CSNK1G1: variants seen among roughly 807,000 people sequenced by gnomAD.
CSNK1G1 encodes casein kinase 1 gamma 1.
A neutral mutation model predicts 59.6 loss-of-function variants in CSNK1G1; 22 were observed. The ratio of observed to expected loss-of-function variants is 0.37; its 90% CI spans 0.26 to 0.53. CSNK1G1 has a LOEUF of 0.53. Ranked by LOEUF, CSNK1G1 falls within the 20% of genes least tolerant of loss-of-function variation. The pLI is 0.89. For synonymous variants in CSNK1G1, 179 were observed against 177.1 expected, an observed-to-expected ratio of 1.01 and a Z score of -0.08; for missense variants, 384 against 519.5, an observed-to-expected ratio of 0.74 and a Z score of 2.54.
chr15:64,222,237 G>A (rs1180330778), intron 4 of CSNK1G1, among the ~76,000 whole-genome samples: 1 of 149,714 alleles, frequency 6.7e-6, no homozygotes, highest in African/African-American at 2.5e-5. Flanking sequence ...GAGAACACAT[G>A]GACACAGAGA....
At chr15:64,239,345 T>TTTG (rs146616275) in intron 4 of CSNK1G1, among the ~76,000 whole-genome samples, 28 of 152,070 alleles carry the variant, frequency 1.8e-4, no homozygotes, top group African/African-American at 2.9e-4. Flanking sequence ...ATAATGATCT[T>TTTG]TTGTTGTTGT....
rs151176923 is a variant in CSNK1G1 at position 64,338,409 on chromosome 15, A to G, written c.-225+17579T>C. The stretch of plus-strand genomic sequence containing the variant: ...GGACATCTAACAACTTGATGGTTAA[A>G]AACACTTGAGCCCGGCGCGGTGGCT... On this transcript the variant is annotated intron_variant, in intron 1 of 11. Coordinates refer to ENST00000303052, the MANE Select transcript of CSNK1G1 (RefSeq NM_022048.5). Among the ~76,000 whole-genome samples, 1,054 of 152,222 alleles carry G rather than the reference A, an allele frequency of 6.9e-3. 16 individuals carry two copies. The highest frequency in any genetic ancestry group is 0.024 in the African/African-American group (1,010 of 41,520).
chr15:64,343,084 T>C (rs1473795379), intron 1 of CSNK1G1, among the ~76,000 whole-genome samples: 4 of 152,094 alleles, frequency 2.6e-5, no homozygotes, highest in African/African-American at 9.7e-5. Flanking sequence ...TGGTGGCGCA[T>C]GCCTGTAATC....
At chr15:64,219,568 C>T (rs929616616) in intron 4 of CSNK1G1, among the ~76,000 whole-genome samples, 3 of 151,986 alleles carry the variant, frequency 2.0e-5, no homozygotes, top group African/African-American at 7.3e-5. Flanking sequence ...AAGCAATCCT[C>T]CTGCCTCAGC....
At chr15:64,355,835 C>G (rs1188991082) in intron 1 of CSNK1G1, among the ~76,000 whole-genome samples, 153 bp downstream of exon 1, 1 of 152,170 alleles carries the variant, frequency 6.6e-6, no homozygotes, top group Non-Finnish European at 1.5e-5. Flanking sequence ...GCCCCCGCAA[C>G]CCTCCACAGA....
At chr15:64,333,335 C>A (rs1206730096) in intron 1 of CSNK1G1, among the ~76,000 whole-genome samples, 1 of 140,250 alleles carries the variant, frequency 7.1e-6, no homozygotes, top group Non-Finnish European at 1.5e-5. Flanking sequence ...CACAGTGGCT[C>A]ATGCCTGTAA....
At chr15:64,207,409 C>A (rs969664898) in intron 7 of CSNK1G1, 100 bp downstream of exon 7, 7 of 846,788 alleles carry the variant, frequency 8.3e-6, no homozygotes, top group African/African-American at 1.7e-5. Flanking sequence ...CCGCATCTGG[C>A]CAGCCCCCTA....
intron 1 of CSNK1G1, among the ~76,000 whole-genome samples, chr15:64,352,028 C>G (rs550187431): frequency 2.6e-5 from 4 of 151,944 alleles, no homozygotes; most frequent in Non-Finnish European, 5.9e-5. Flanking sequence ...CACAGCAGGC[C>G]GGGCAGGGCA....
intron 2 of CSNK1G1, among the ~76,000 whole-genome samples, chr15:64,273,627 T>A (rs1480549052): frequency 6.6e-6 from 1 of 151,470 alleles, no homozygotes; most frequent in Non-Finnish European, 1.5e-5. Context: ...AACGGAAGGG[T>A]CTAAATGAGG....
intron 2 of CSNK1G1, among the ~76,000 whole-genome samples, chr15:64,263,079 C>CAA (rs1216890234): frequency 0.028 from 1,508 of 53,440 alleles, 76 homozygotes; most frequent in African/African-American, 0.072. Context: ...AACGCCATCT[C>CAA]AAAAAAAAAA....
chr15:64,297,864 C>A (rs1026272277), intron 2 of CSNK1G1, among the ~76,000 whole-genome samples: 1 of 152,140 alleles, frequency 6.6e-6, no homozygotes, highest in Non-Finnish European at 1.5e-5. Flanking sequence ...ATCTTCTCCT[C>A]GCTAATATTA....
intron 2 of CSNK1G1, among the ~76,000 whole-genome samples, chr15:64,299,944 T>G (rs1368917685): frequency 6.6e-6 from 1 of 152,178 alleles, no homozygotes; most frequent in South Asian, 2.1e-4. Context: ...CAAGGCCTTA[T>G]GTCCTTCTTA....
intron 1 of CSNK1G1, among the ~76,000 whole-genome samples, chr15:64,323,630 G>A (rs1259663343): frequency 1.3e-5 from 2 of 152,102 alleles, no homozygotes; most frequent in East Asian, 1.9e-4. Context: ...CTCCCAAAGT[G>A]CTGGGATTAC....
chr15:64,331,968 A>T (rs1264650364), intron 1 of CSNK1G1, among the ~76,000 whole-genome samples: 12 of 151,844 alleles, frequency 7.9e-5, no homozygotes, highest in Admixed American at 6.6e-5. Context: ...TCAAAACCAC[A>T]ATGAGATACC....
intron 1 of CSNK1G1, among the ~76,000 whole-genome samples, chr15:64,307,529 C>T (rs1400607807): frequency 2.0e-5 from 3 of 152,062 alleles, no homozygotes; most frequent in Admixed American, 6.6e-5. Flanking sequence ...GCCTGGACAA[C>T]GTGGCAAAAC....
At chr15:64,187,370 T>C (rs1158164534) in intron 10 of CSNK1G1, among the ~76,000 whole-genome samples, 1 of 152,040 alleles carries the variant, frequency 6.6e-6, no homozygotes, top group Non-Finnish European at 1.5e-5. Context: ...TTTTTTTTTT[T>C]TGTATTTATA....
At chr15:64,308,474 G>A (rs556255128) in intron 1 of CSNK1G1, among the ~76,000 whole-genome samples, 1 of 152,162 alleles carries the variant, frequency 6.6e-6, no homozygotes, top group East Asian at 1.9e-4. Flanking sequence ...GTGGCACTTT[G>A]ATTTTATTTG....
At chr15:64,326,695 T>G (rs1896856084) in intron 1 of CSNK1G1, among the ~76,000 whole-genome samples, 2 of 150,806 alleles carry the variant, frequency 1.3e-5, no homozygotes, top group South Asian at 4.2e-4. Flanking sequence ...TAGGAACAGC[T>G]CCGGTCTACA....
intron 10 of CSNK1G1, chr15:64,181,265 C>A: frequency 6.5e-7 from 1 of 1,536,068 alleles, no homozygotes; most frequent in Non-Finnish European, 8.7e-7. Context: ...GGCTCTCACT[C>A]CTGTCATCTG....
Sources: allele counts gnomAD v4.1 joint callset (sites outside exome capture counted in the v4.1 genomes callset), GRCh38; gene constraint gnomAD v4.1.1; transcripts MANE v1.5; gene names NCBI Gene and HGNC (gene_info 2026-07-23, HGNC 2026-07-21).